ITGA11: variants seen among roughly 807,000 people sequenced by gnomAD.
ITGA11 encodes the protein integrin alpha-11.
In ITGA11, 97 loss-of-function variants were observed where a neutral mutation model predicts 141.9. That is an observed-to-expected ratio of 0.68 (90% CI 0.58 to 0.81). The LOEUF (loss-of-function observed/expected upper bound fraction) is 0.81, where lower values mean the gene tolerates loss of function less well. Among genes scored for constraint, ITGA11 ranks in the 30% least tolerant of loss-of-function variants. The probability of loss-of-function intolerance (pLI) is 0.00; values close to 1 mark genes in which losing one functional copy is unlikely to be tolerated. For synonymous variants in ITGA11, 658 were observed against 624.6 expected, an observed-to-expected ratio of 1.05 and a Z score of -0.80; for missense variants, 1,387 against 1,559.2, an observed-to-expected ratio of 0.89 and a Z score of 1.86.
rs999023726 is a variant in ITGA11 at position 68,332,379 on chromosome 15, C to G, written c.1525G>C (p.Gly509Arg). ...ACGTACACCTTGCCTCGCTCACGGC[C>G]CTCGTTGAAGTACATGGGTGCGCCC... is the stretch of plus-strand genomic sequence containing the variant. ...LVGAPMYFNE[G>R]RERGKVYVYE... The change falls in exon 13 of 30, where the codon GGC becomes CGC. Residue 509 changes from glycine to arginine, a missense_variant. Gly to Arg is a moderately radical substitution (Grantham distance 125). Coordinates refer to ENST00000315757, the MANE Select transcript of ITGA11 (RefSeq NM_001004439.2). 1 of 1,609,716 alleles carries G rather than the reference C, an allele frequency of 6.2e-7. No individual in the cohort carries two copies. Among genetic ancestry groups the G allele is most frequent in the Non-Finnish European group, 8.5e-7 (1 of 1,178,390 alleles).
chr15:68,424,447 C>T (rs753230735), intron 1 of ITGA11, among the ~76,000 whole-genome samples: 12 of 152,052 alleles, frequency 7.9e-5, no homozygotes, highest in Non-Finnish European at 1.2e-4. Context: ...CTTGGATGCC[C>T]GTTAGAATTA....
At chr15:68,419,662 C>A (rs1054664978) in intron 1 of ITGA11, among the ~76,000 whole-genome samples, 4 of 152,192 alleles carry the variant, frequency 2.6e-5, no homozygotes, top group African/African-American at 9.7e-5. Context: ...GGAAGCATAG[C>A]CCCTAAAGGG....
At chr15:68,317,042 TTCTC>T (rs1490537234) in intron 21 of ITGA11, among the ~76,000 whole-genome samples, 2 of 152,190 alleles carry the variant, frequency 1.3e-5, no homozygotes, top group Non-Finnish European at 1.5e-5. Context: ...GTGGTAGGAA[TTCTC>T]TCTGAGTTAA....
At chr15:68,396,886 CAT>C (rs1412266567) in intron 2 of ITGA11, among the ~76,000 whole-genome samples, 5 of 111,972 alleles carry the variant, frequency 4.5e-5, no homozygotes, top group East Asian at 2.4e-4. Context: ...TTAAATATAA[CAT>C]ATTTATTACA....
chr15:68,412,996 C>T (rs1896811001), intron 1 of ITGA11, among the ~76,000 whole-genome samples: 1 of 152,180 alleles, frequency 6.6e-6, no homozygotes. Context: ...TCTTTAAGAA[C>T]AAGCAGGAAT....
chr15:68,359,124 C>T (rs1001817779), intron 5 of ITGA11, among the ~76,000 whole-genome samples: 21 of 152,164 alleles, frequency 1.4e-4, no homozygotes, highest in African/African-American at 5.1e-4. Context: ...AGAGGCACAA[C>T]AATAGTAAAG....
chr15:68,315,755 C>T, intron 21 of ITGA11, 28 bp from the exon 22 acceptor site: 1 of 1,578,780 alleles, frequency 6.3e-7, no homozygotes, highest in Non-Finnish European at 8.6e-7. Flanking sequence ...CATGTCTGGG[C>T]ATTGCTGGGA....
rs566827988 is a variant in ITGA11 at position 68,364,628 on chromosome 15, G to T, written c.357+79C>A. The T allele has an allele frequency of 5.9e-5, 54 of 915,160 alleles. No individual in the cohort carries two copies. The Admixed American group carries it at 1.0e-3, about 17-fold the overall frequency. The allele number at this position is 915,160 out of a possible 1,614,324, so 56.7% of individuals were successfully genotyped here. On this transcript the variant is annotated intron_variant, in intron 4 of 29. Transcript: ENST00000315757. ...GTGGGTGTACAGGATGGACATGAGG[G>T]TGTGTAAGGAGACGCTCCACCCCTC...
intron 1 of ITGA11, among the ~76,000 whole-genome samples, chr15:68,404,861 C>T (rs1896603820): frequency 6.6e-6 from 1 of 152,106 alleles, no homozygotes; most frequent in Non-Finnish European, 1.5e-5. Context: ...CATTGTTGCC[C>T]CTTTCACATG....
chr15:68,376,746 A>G (rs552944622), intron 2 of ITGA11, among the ~76,000 whole-genome samples: 1 of 152,350 alleles, frequency 6.6e-6, no homozygotes, highest in Admixed American at 6.5e-5. Context: ...CATCTACCCA[A>G]AGGGACTGAA....
At chr15:68,323,298 C>T (rs2140292069) in intron 18 of ITGA11, among the ~76,000 whole-genome samples, 1 of 152,248 alleles carries the variant, frequency 6.6e-6, no homozygotes, top group African/African-American at 2.4e-5. Flanking sequence ...AAAGTTCATC[C>T]TGGTGAGTTC....
chr15:68,303,972 T>TCCCCCACCA lies in ITGA11; in HGVS notation c.3382-88_3382-87insTGGTGGGGG. 2.6e-6 allele frequency: 2 copies of TCCCCCACCA among 764,400 alleles called. No individual in the cohort carries two copies. The highest frequency in any genetic ancestry group is 4.5e-6 in the Non-Finnish European group (2 of 444,822). The allele number at this position is 764,400 out of a possible 1,614,324, so 47.4% of individuals were successfully genotyped here. On this transcript the variant is annotated intron_variant, in intron 28 of 29. Coordinates refer to ENST00000315757, the MANE Select transcript of ITGA11 (RefSeq NM_001004439.2). The surrounding 1 kb of genome is among the most constrained non-coding windows in gnomAD (Gnocchi z 5.3). ...GGAGGGGCAGGAGGGTGGAGACAGCTGGCACCTGGTGGGGGAGCTGCATCC... is the reference window on the plus strand; with the variant it reads ...GGAGGGGCAGGAGGGTGGAGACAGCTCCCCCACCAGGCACCTGGTGGGGGAGCTGCATCC...
chr15:68,432,063 C>G lies in ITGA11; in HGVS notation c.4G>C (p.Asp2His), dbSNP rs1014180021. 5 of 1,369,234 alleles carry G rather than the reference C, an allele frequency of 3.7e-6. No individual in the cohort carries two copies. In the African/African-American group the frequency reaches 7.7e-5, roughly 21 times the overall value. The allele number at this position is 1,369,234 out of a possible 1,614,324, so 84.8% of individuals were successfully genotyped here. M[D>H]LPRGLVVAWA... is the part of the protein sequence containing the mutation. ...GCCACCACCAGGCCCCTGGGCAGGT[C>G]CATGGCCCGCGGCACGGCGGCTGGG... Residue 2 changes from aspartate to histidine, a missense_variant, in exon 1 of 30, where the codon GAC (aspartate) becomes CAC (histidine). Transcript: ENST00000315757.
intron 9 of ITGA11, among the ~76,000 whole-genome samples, chr15:68,349,690 G>A (rs943845055): frequency 1.3e-5 from 2 of 152,050 alleles, no homozygotes; most frequent in African/African-American, 2.4e-5. Context: ...CCCAAAGCCC[G>A]ATATTGGAAG....
At chr15:68,358,260 C>T (rs1895130431) in intron 6 of ITGA11, among the ~76,000 whole-genome samples, 198 bp downstream of exon 6, 1 of 152,224 alleles carries the variant, frequency 6.6e-6, no homozygotes, top group African/African-American at 2.4e-5. Flanking sequence ...AGGCTTCCCC[C>T]AAAATGTCAT....
At chr15:68,362,745 G>A (rs2140350633) in intron 4 of ITGA11, among the ~76,000 whole-genome samples, 1 of 152,292 alleles carries the variant, frequency 6.6e-6, no homozygotes, top group East Asian at 1.9e-4. Context: ...ATGGATGGAT[G>A]ATGGATAGTG....
chr15:68,388,296 C>T (rs576762457), intron 2 of ITGA11, among the ~76,000 whole-genome samples: 2 of 152,234 alleles, frequency 1.3e-5, no homozygotes, highest in East Asian at 3.9e-4. Context: ...TTGCCATTTG[C>T]ACTTGTCATT....
intron 9 of ITGA11, 43 bp downstream of exon 9, chr15:68,350,574 A>G: frequency 6.4e-7 from 1 of 1,567,824 alleles, no homozygotes; most frequent in Non-Finnish European, 8.7e-7. Context: ...ACCTGACATA[A>G]GCCCAGGAGA....
rs769997574 is a variant in ITGA11 at position 68,351,369 on chromosome 15, T to C, written c.783A>G (p.Gly261=). The C allele has an allele frequency of 6.2e-7, 1 of 1,613,926 alleles. No homozygotes were observed. Among genetic ancestry groups the C allele is most frequent in the Non-Finnish European group, 8.5e-7 (1 of 1,179,858 alleles). Residue 261 remains glycine, a synonymous_variant, in exon 8 of 30, where the codon GGA becomes GGG. Coordinates refer to ENST00000315757, the MANE Select transcript of ITGA11 (RefSeq NM_001004439.2). The part of the protein sequence containing the change: ...SEAFQKGGRK[G]AKKVMIVITD... ...TGATGACAATCATCACCTTCTTGGC[T>C]CCTTTCCTTCCACCCTTCTGGAAAG...
Sources: allele counts gnomAD v4.1 joint callset (sites outside exome capture counted in the v4.1 genomes callset), GRCh38; gene constraint gnomAD v4.1.1; non-coding constraint Gnocchi (gnomAD v3.1); transcripts MANE v1.5; gene names NCBI Gene and HGNC (gene_info 2026-07-23, HGNC 2026-07-21).